The following TMPRSS2 variants were observed in gnomAD, a reference collection of about 807,000 sequenced individuals.
TMPRSS2 encodes the protein transmembrane protease serine 2.
In TMPRSS2, 59 loss-of-function variants were observed where a neutral mutation model predicts 67.4. That is an observed-to-expected ratio of 0.88 (90% CI 0.71 to 1.09). The LOEUF (loss-of-function observed/expected upper bound fraction) is 1.09. TMPRSS2 is among the 50% of genes least tolerant of loss of function. The pLI, the probability that TMPRSS2 is intolerant of heterozygous loss-of-function variation, is 0.00. For synonymous variants in TMPRSS2, 257 were observed against 257.0 expected, an observed-to-expected ratio of 1.00 and a Z score of 0.00; for missense variants, 668 against 642.7, an observed-to-expected ratio of 1.04 and a Z score of -0.43.
In TMPRSS2 at chr21:41,489,533, AGCGC is replaced by A; in HGVS notation, c.295_298del (p.Ala99TrpfsTer19). On this transcript the variant is annotated frameshift_variant, in exon 4 of 14. Transcript: ENST00000332149. LOFTEE classifies it high-confidence loss of function. The stretch of plus-strand genomic sequence containing the variant: ...GAACTTCCAGAGTAGGCCAGCGGCC[AGCGC>A]AGCTCCCACGAGGAAGGTCCCCAGG... 1 of 1,614,158 alleles carries A rather than the reference AGCGC, an allele frequency of 6.2e-7. No individual in the cohort carries two copies. Among genetic ancestry groups the A allele is most frequent in the Non-Finnish European group, 8.5e-7 (1 of 1,180,016 alleles).
chr21:41,466,241 C>A lies in TMPRSS2; in HGVS notation c.1468-88G>T, dbSNP rs1601557637. On this transcript the variant is annotated intron_variant, in intron 13 of 13. Coordinates refer to ENST00000332149, the MANE Select transcript of TMPRSS2 (RefSeq NM_005656.4). ...TTTTTTCCTCTAGGTTCGCATGAAG[C>A]ACTTAGAAACCAAATAAGCAAGCTT... is the stretch of plus-strand genomic sequence containing the variant. The A allele has an allele frequency of 1.1e-5, 15 of 1,334,178 alleles. No individual in the cohort carries two copies. The East Asian group carries it at 3.6e-4, about 32-fold the overall frequency. 82.6% of individuals were successfully genotyped at this position (1,334,178 alleles called of 1,614,324 possible).
In TMPRSS2 at chr21:41,478,868, G is replaced by A. The variant is rs1002815338; in HGVS notation, c.683+304C>T. On this transcript the variant is annotated intron_variant, in intron 7 of 13. Coordinates refer to ENST00000332149, the MANE Select transcript of TMPRSS2 (RefSeq NM_005656.4). This position sits in a 1 kb window ranked among gnomAD's most constrained non-coding sequence, Gnocchi z 4.0. Reference sequence around the variant, plus strand: ...TGACAAAATAGGTACACCTCTAAATGTCTGAAGAGGAAAGAAAACTAAATA... The same window carrying A: ...TGACAAAATAGGTACACCTCTAAATATCTGAAGAGGAAAGAAAACTAAATA... Among the ~76,000 whole-genome samples, 1 of 152,204 alleles carries A rather than the reference G, an allele frequency of 6.6e-6. No homozygotes were observed. Among genetic ancestry groups the A allele is most frequent in the Non-Finnish European group, 1.5e-5 (1 of 68,036 alleles).
chr21:41,480,391 T>G, intron 6 of TMPRSS2, 85 bp downstream of exon 6: 1 of 1,565,968 alleles, frequency 6.4e-7, no homozygotes, highest in Non-Finnish European at 8.6e-7. Flanking sequence ...CATGTGCCGG[T>G]GCTTTCACAG....
intron 5 of TMPRSS2, among the ~76,000 whole-genome samples, chr21:41,484,205 A>G (rs2091279338): frequency 6.6e-6 from 1 of 152,200 alleles, no homozygotes; most frequent in African/African-American, 2.4e-5. Flanking sequence ...AAGCTAGTTA[A>G]CATGTCCACC....
intron 5 of TMPRSS2, 26 bp downstream of exon 5, chr21:41,488,368 C>T (rs761668242): frequency 6.2e-7 from 1 of 1,603,356 alleles, no homozygotes; most frequent in South Asian, 1.1e-5. Context: ...CAGAGGAGTC[C>T]CTTCCCAAGG....
chr21:41,476,763 A>C, intron 7 of TMPRSS2, 143 bp from the exon 8 acceptor site: 1 of 746,196 alleles, frequency 1.3e-6, no homozygotes, highest in East Asian at 2.6e-5. Context: ...AACTCCAATA[A>C]GGTAAGTAAA....
At chr21:41,472,880 C>G (rs2091146636) in intron 9 of TMPRSS2, among the ~76,000 whole-genome samples, 2 of 152,192 alleles carry the variant, frequency 1.3e-5, no homozygotes, top group Admixed American at 1.3e-4. Flanking sequence ...TCACCCCTAC[C>G]TAACCCTCTG....
chr21:41,472,556 G>A (rs1020889551), intron 9 of TMPRSS2, among the ~76,000 whole-genome samples: 4 of 152,052 alleles, frequency 2.6e-5, no homozygotes, highest in Non-Finnish European at 5.9e-5. Context: ...GTGAAGAGGG[G>A]GAGAGAAGGG....
Position 41,506,184 on chromosome 21 carries a change from G to C in TMPRSS2, c.-57+1897C>G, listed in dbSNP as rs1405469293. 2.6e-5 allele frequency among the ~76,000 whole-genome samples: 4 copies of C among 152,358 alleles called. No individual in the cohort carries two copies. In the East Asian group the frequency reaches 7.7e-4, roughly 29 times the overall value. On this transcript the variant is annotated intron_variant, in intron 1 of 13. Transcript: ENST00000332149. ...TAGCAACCTGGGAGGCCCTGCCTGA[G>C]GCTCCAGCAACAGCACAAGCTTGTT...
chr21:41,473,468 G>A lies in TMPRSS2; in HGVS notation c.756C>T (p.Arg252=). 2 of 1,609,616 alleles carry A rather than the reference G, an allele frequency of 1.2e-6. No individual in the cohort carries two copies. Among genetic ancestry groups the A allele is most frequent in the Non-Finnish European group, 1.7e-6 (2 of 1,178,616 alleles). ...TCTCGCCGCCCACAATCCTGCTCTGGCGGCTTGAGTTCAAGTTGACCCCGC... is the reference window on the plus strand; with the variant it reads ...TCTCGCCGCCCACAATCCTGCTCTGACGGCTTGAGTTCAAGTTGACCCCGC... The part of the protein sequence containing the change: ...IACGVNLNSS[R]QSRIVGGESA... Residue 252 remains arginine, a synonymous_variant, in exon 9 of 14, where the codon CGC becomes CGT. Coordinates refer to ENST00000332149, the MANE Select transcript of TMPRSS2 (RefSeq NM_005656.4).
At chr21:41,475,598 G>C (rs1365438158) in intron 8 of TMPRSS2, among the ~76,000 whole-genome samples, 1 of 37,272 alleles carries the variant, frequency 2.7e-5, no homozygotes, top group African/African-American at 9.4e-5. Context: ...GAGGGATGAG[G>C]GGGAGAGTGA....
chr21:41,468,699 T>C (rs1286889627), intron 11 of TMPRSS2, 161 bp from the exon 12 acceptor site: 4 of 710,594 alleles, frequency 5.6e-6, no homozygotes, highest in Admixed American at 2.9e-5. Flanking sequence ...ACCCCTCTCC[T>C]GGGAAACCTG....
At chr21:41,491,366 C>T (rs866824112) in intron 3 of TMPRSS2, among the ~76,000 whole-genome samples, 32 of 152,070 alleles carry the variant, frequency 2.1e-4, no homozygotes, top group Middle Eastern at 3.4e-3. Flanking sequence ...AGGCTGGTCT[C>T]GAACTCCTGG....
In TMPRSS2 at chr21:41,467,734, C is replaced by A; in HGVS notation, c.1467G>T (p.Arg489Ser). Residue 489 changes from arginine (R) to serine (S), a missense_variant and splice_region_variant, in exon 13 of 14, where the codon AGG (arginine) becomes AGT (serine). Arg to Ser is a moderately radical substitution (Grantham distance 110). Coordinates refer to ENST00000332149, the MANE Select transcript of TMPRSS2 (RefSeq NM_005656.4). Reference protein sequence around the residue: ...VFTDWIYRQMRADG With the variant: ...VFTDWIYRQMSADG ...GTCAGAAGGAGGACAGGATAGTTAC[C>A]CTCATTTGTCGATAAATCCAGTCCG... 2 of 1,614,008 alleles carry A rather than the reference C, an allele frequency of 1.2e-6. No homozygotes were observed. Among genetic ancestry groups the A allele is most frequent in the East Asian group, 2.2e-5 (1 of 44,874 alleles).
intron 8 of TMPRSS2, among the ~76,000 whole-genome samples, chr21:41,475,573 C>G (rs1481209190): frequency 2.5e-4 from 6 of 23,822 alleles, no homozygotes; most frequent in Non-Finnish European, 2.5e-4. Flanking sequence ...GAGGAGGTGA[C>G]GGGGTGGGGT....
At chr21:41,473,555 C>T in intron 8 of TMPRSS2, 59 bp from the exon 9 acceptor site, 3 of 1,522,312 alleles carry the variant, frequency 2.0e-6, no homozygotes, top group South Asian at 1.2e-5. Flanking sequence ...CCCAGCCACC[C>T]AGCGCCCGCC....
At chr21:41,476,161 T>C (rs899232225) in intron 8 of TMPRSS2, among the ~76,000 whole-genome samples, 1 of 152,190 alleles carries the variant, frequency 6.6e-6, no homozygotes. Flanking sequence ...CGGGTCCCAC[T>C]GGCTGATGAG....
At chr21:41,485,081 CGT>C (rs10668560) in intron 5 of TMPRSS2, among the ~76,000 whole-genome samples, 32,507 of 140,044 alleles carry the variant, frequency 0.23, 4,235 homozygotes, top group African/African-American at 0.38. Context: ...GGGAGTGATG[CGT>C]GTGTGTGTGT....
intron 5 of TMPRSS2, among the ~76,000 whole-genome samples, chr21:41,484,445 C>T (rs1661324576): frequency 6.6e-6 from 1 of 152,152 alleles, no homozygotes; most frequent in Admixed American, 6.5e-5. Context: ...GCGCTACACA[C>T]ATTTTTGAAT....
Sources: allele counts gnomAD v4.1 joint callset (sites outside exome capture counted in the v4.1 genomes callset), GRCh38; gene constraint gnomAD v4.1.1; non-coding constraint Gnocchi (gnomAD v3.1); transcripts MANE v1.5; gene names NCBI Gene and HGNC (gene_info 2026-07-23, HGNC 2026-07-21).